Variants in MAP3K20 observed in about 807,000 individuals in gnomAD.
The protein encoded by MAP3K20 is mitogen-activated protein kinase kinase kinase 20.
MAP3K20 carries 40 observed loss-of-function variants against 85.7 expected under a neutral mutation model. The observed-to-expected ratio is 0.47, with a 90% CI of 0.36 to 0.61. MAP3K20 has a LOEUF of 0.61. Among genes scored for constraint, MAP3K20 ranks in the 20% least tolerant of loss-of-function variants. MAP3K20 has a pLI of 0.00. For synonymous variants in MAP3K20, 325 were observed against 327.7 expected, an observed-to-expected ratio of 0.99 and a Z score of 0.09; for missense variants, 817 against 961.7, an observed-to-expected ratio of 0.85 and a Z score of 1.99.
At chr2:173,242,964 C>G (rs553912914) in intron 16 of MAP3K20, among the ~76,000 whole-genome samples, 1 of 152,206 alleles carries the variant, frequency 6.6e-6, no homozygotes, top group South Asian at 2.1e-4. Context: ...CTCGACCTCC[C>G]AAAGTGCTGG....
intron 2 of MAP3K20, among the ~76,000 whole-genome samples, chr2:173,120,572 C>G (rs1172724490): frequency 6.6e-6 from 1 of 151,724 alleles, no homozygotes; most frequent in Non-Finnish European, 1.5e-5. Context: ...TCCCCACATG[C>G]AATAAGGTGA....
At chr2:173,080,733 T>C (rs1292414803) in intron 1 of MAP3K20, among the ~76,000 whole-genome samples, 2 of 152,218 alleles carry the variant, frequency 1.3e-5, no homozygotes, top group Non-Finnish European at 2.9e-5. Flanking sequence ...TACCCTGTCC[T>C]GTTCCCAAGT....
rs781529095 is a variant in MAP3K20, at chr2:173,091,111, T to G, written c.80T>G (p.Phe27Cys). 6.2e-7 allele frequency: 1 copy of G among 1,614,060 alleles called. No individual in the cohort carries two copies. ...TTTGAAAACTGCGGTGGAGGAAGTT[T>G]TGGGAGTGTTTATCGAGCCAAATGG... is the stretch of plus-strand genomic sequence containing the variant. Reference protein sequence around the residue: ...QFFENCGGGSFGSVYRAKWIS... With the variant: ...QFFENCGGGSCGSVYRAKWIS... The change falls in exon 2 of 20, where the codon TTT (phenylalanine) becomes TGT (cysteine). Residue 27 changes from phenylalanine to cysteine, a missense_variant. Coordinates refer to ENST00000375213, the MANE Select transcript of MAP3K20 (RefSeq NM_016653.3).
At chr2:173,224,287 TTATG>T in intron 11 of MAP3K20, 1 of 985,304 alleles carries the variant, frequency 1.0e-6, no homozygotes, top group African/African-American at 1.7e-5. Context: ...TCCCTGCACT[TTATG>T]TAAGAATGTA....
At chr2:173,083,810 A>G (rs905690284) in intron 1 of MAP3K20, among the ~76,000 whole-genome samples, 1 of 152,232 alleles carries the variant, frequency 6.6e-6, no homozygotes, top group Non-Finnish European at 1.5e-5. Flanking sequence ...GTTTGGCAAA[A>G]TAATTTGCTG....
At chr2:173,252,320 G>C (rs1685058258) in intron 16 of MAP3K20, among the ~76,000 whole-genome samples, 1 of 152,220 alleles carries the variant, frequency 6.6e-6, no homozygotes, top group African/African-American at 2.4e-5. Flanking sequence ...CACAGTGTAA[G>C]AGTTTCTGTT....
chr2:173,262,263 A>G (rs765008909), intron 18 of MAP3K20, among the ~76,000 whole-genome samples: 22 of 152,042 alleles, frequency 1.4e-4, no homozygotes, highest in Non-Finnish European at 2.8e-4. Flanking sequence ...TGGCATTTTG[A>G]TGGTTTCCTG....
At chr2:173,140,606 T>C (rs933243967) in intron 2 of MAP3K20, among the ~76,000 whole-genome samples, 1 of 152,178 alleles carries the variant, frequency 6.6e-6, no homozygotes, top group Non-Finnish European at 1.5e-5. Context: ...CGCTTTGGCC[T>C]CCCAAAGTGC....
chr2:173,139,455 G>A (rs1174590756), intron 2 of MAP3K20, among the ~76,000 whole-genome samples: 1 of 152,166 alleles, frequency 6.6e-6, no homozygotes, highest in African/African-American at 2.4e-5. Flanking sequence ...ACCATATGCT[G>A]TCTAACAGTG....
chr2:173,193,395 C>A (rs1207637676), intron 7 of MAP3K20, among the ~76,000 whole-genome samples: 2 of 151,876 alleles, frequency 1.3e-5, no homozygotes, highest in Admixed American at 6.6e-5. Flanking sequence ...GACCTTAAGA[C>A]ACAACTATAC....
chr2:173,191,362 G>A (rs981914643), intron 7 of MAP3K20, among the ~76,000 whole-genome samples, 185 bp downstream of exon 7: 1 of 152,116 alleles, frequency 6.6e-6, no homozygotes, highest in African/African-American at 2.4e-5. Context: ...TTTAATCATC[G>A]GAGTTATTTT....
chr2:173,223,945 T>G (rs1684319952), intron 11 of MAP3K20: 3 of 985,282 alleles, frequency 3.0e-6, no homozygotes, highest in African/African-American at 1.7e-5. Context: ...GCCAATAGCA[T>G]GGGGTTTACA....
At chr2:173,088,053 A>G (rs1349623213) in intron 1 of MAP3K20, among the ~76,000 whole-genome samples, 3 of 118,648 alleles carry the variant, frequency 2.5e-5, no homozygotes, top group African/African-American at 9.8e-5. Flanking sequence ...TCTAAAAACA[A>G]TAGAACCAAA....
intron 2 of MAP3K20, among the ~76,000 whole-genome samples, chr2:173,142,494 A>C (rs1689006380): frequency 6.6e-6 from 1 of 151,882 alleles, no homozygotes. Context: ...AAAGTAGTAT[A>C]TATATATCAC....
intron 2 of MAP3K20, among the ~76,000 whole-genome samples, chr2:173,148,592 A>G (rs914372471): frequency 1.9e-4 from 29 of 152,192 alleles, no homozygotes; most frequent in African/African-American, 6.8e-4. Flanking sequence ...AGAAAGGGGC[A>G]GAGTTAACCA....
intron 16 of MAP3K20, among the ~76,000 whole-genome samples, chr2:173,247,154 T>G (rs1684935431): frequency 6.6e-6 from 1 of 152,196 alleles, no homozygotes; most frequent in South Asian, 2.1e-4. Context: ...CAATCAATAG[T>G]TCTGCTTTTC....
chr2:173,208,358 A>G (rs1364008161), intron 9 of MAP3K20, among the ~76,000 whole-genome samples: 2 of 151,592 alleles, frequency 1.3e-5, no homozygotes, highest in Non-Finnish European at 2.9e-5. Flanking sequence ...TGATCACACC[A>G]CTGCATTCCA....
At chr2:173,127,805 C>T (rs1296059397) in intron 2 of MAP3K20, among the ~76,000 whole-genome samples, 1 of 151,968 alleles carries the variant, frequency 6.6e-6, no homozygotes, top group Non-Finnish European at 1.5e-5. Flanking sequence ...ATAAGAATAC[C>T]TGCAATCCCT....
At chr2:173,126,005 T>G (rs1307646758) in intron 2 of MAP3K20, among the ~76,000 whole-genome samples, 1 of 152,158 alleles carries the variant, frequency 6.6e-6, no homozygotes, top group Non-Finnish European at 1.5e-5. Context: ...TTCCATTCTG[T>G]TTTGCAGTAA....
Sources: allele counts gnomAD v4.1 joint callset (sites outside exome capture counted in the v4.1 genomes callset), GRCh38; gene constraint gnomAD v4.1.1; transcripts MANE v1.5; gene names NCBI Gene and HGNC (gene_info 2026-07-23, HGNC 2026-07-21).